Variants in MAF observed in about 807,000 individuals in gnomAD.
MAF encodes the protein transcription factor Maf.
A neutral mutation model predicts 22.0 loss-of-function variants in MAF; 10 were observed. The ratio of observed to expected loss-of-function variants is 0.45; its 90% CI spans 0.28 to 0.77. The LOEUF is 0.77. MAF is among the 30% of genes least tolerant of loss of function. The pLI, the probability that MAF is intolerant of heterozygous loss-of-function variation, is 0.12. For synonymous variants in MAF, 337 were observed against 255.8 expected (o/e 1.32, Z -3.03); for missense variants, 544 against 548.4 (o/e 0.99, Z 0.08).
At chr16:79,501,497 G>A in the MAF span, among the ~76,000 whole-genome samples, 1 of 152,138 alleles carries the variant, frequency 6.6e-6, no homozygotes, top group Non-Finnish European at 1.5e-5. Context: ...AGTTAATCTA[G>A]CAGAAGTCTT....
At chr16:79,474,038 AG>A in the MAF span, among the ~76,000 whole-genome samples, 1 of 152,156 alleles carries the variant, frequency 6.6e-6, no homozygotes, top group African/African-American at 2.4e-5. Context: ...AGAGGGCAAA[AG>A]ACAGAGGGCA....
the MAF span, among the ~76,000 whole-genome samples, chr16:79,469,049 A>C: frequency 6.6e-6 from 1 of 152,042 alleles, no homozygotes; most frequent in Admixed American, 6.6e-5. Context: ...TTCCTTAGCC[A>C]CCCCACACCC....
At chr16:79,352,678 G>A in the MAF span, among the ~76,000 whole-genome samples, 1 of 152,176 alleles carries the variant, frequency 6.6e-6, no homozygotes, top group Non-Finnish European at 1.5e-5. Flanking sequence ...CCAGTCACTG[G>A]CTTTCAACCA....
the MAF span, among the ~76,000 whole-genome samples, chr16:79,530,910 G>T: frequency 6.6e-6 from 1 of 152,202 alleles, no homozygotes; most frequent in Non-Finnish European, 1.5e-5. Context: ...TCTTGAGCCA[G>T]CCAGATCCTG....
At chr16:79,567,406 A>G in the MAF span, among the ~76,000 whole-genome samples, 7 of 152,208 alleles carry the variant, frequency 4.6e-5, no homozygotes, top group Admixed American at 4.6e-4. Flanking sequence ...ATACACATAC[A>G]CAGATACATC....
At chr16:79,226,777 A>G in the MAF span, among the ~76,000 whole-genome samples, 1 of 152,110 alleles carries the variant, frequency 6.6e-6, no homozygotes, top group Non-Finnish European at 1.5e-5. Flanking sequence ...ATGCTCTAAT[A>G]GTTTTTAAAA....
intron 1 of MAF, chr16:79,595,903 C>G: frequency 9.5e-7 from 1 of 1,057,938 alleles, no homozygotes; most frequent in Non-Finnish European, 1.1e-6. Context: ...CTATTTAAGA[C>G]AAATGATCTT....
the MAF span, among the ~76,000 whole-genome samples, chr16:79,543,701 T>C: frequency 6.7e-6 from 1 of 149,922 alleles, no homozygotes; most frequent in Non-Finnish European, 1.5e-5. Context: ...TTTTTTTTTT[T>C]TCTGAGACGG....
the MAF span, among the ~76,000 whole-genome samples, chr16:79,458,863 G>A: frequency 0.013 from 1,933 of 152,306 alleles, 34 homozygotes; most frequent in African/African-American, 0.044. Flanking sequence ...GTTTCTCCCT[G>A]AGGAGGTCTC....
the MAF span, among the ~76,000 whole-genome samples, chr16:79,282,568 C>T: frequency 1.3e-5 from 2 of 152,170 alleles, no homozygotes; most frequent in African/African-American, 4.8e-5. Flanking sequence ...GCCCCACAGT[C>T]ACCGCTTCCC....
At chr16:79,320,427 G>T in the MAF span, among the ~76,000 whole-genome samples, 8 of 152,212 alleles carry the variant, frequency 5.3e-5, no homozygotes, top group Admixed American at 3.9e-4. Flanking sequence ...ATGAGGCAGA[G>T]TGGGGATGCC....
chr16:79,513,613 T>C, the MAF span, among the ~76,000 whole-genome samples: 2 of 152,198 alleles, frequency 1.3e-5, no homozygotes, highest in Non-Finnish European at 2.9e-5. Context: ...CTTTGACCAG[T>C]TGCGGAATCT....
rs955654928 is a variant in MAF, at chr16:79,599,147, G to C, written c.756C>G (p.Ala252=). 7.1e-6 allele frequency: 11 copies of C among 1,558,296 alleles called. No homozygotes were observed. Among genetic ancestry groups the C allele is most frequent in the Admixed American group, 1.8e-5 (1 of 55,738 alleles). ...AGGALHPHHA[A]GGLHFDDRFS... is the part of the protein sequence containing the mutation. Reference sequence around the variant, plus strand: ...AGCGGTCGTCGAAGTGCAGGCCGCCGGCGGCGTGGTGCGGGTGCAGGGCGC... The same window carrying C: ...AGCGGTCGTCGAAGTGCAGGCCGCCCGCGGCGTGGTGCGGGTGCAGGGCGC... Residue 252 remains alanine, a synonymous_variant, in exon 1 of 2, where the codon GCC becomes GCG. Transcript: ENST00000326043.
the MAF span, among the ~76,000 whole-genome samples, chr16:79,243,215 G>T: frequency 6.6e-6 from 1 of 151,776 alleles, no homozygotes; most frequent in South Asian, 2.1e-4. Context: ...CAGAAGTGAA[G>T]GTGATAGAGA....
At chr16:79,571,473 A>T in the MAF span, among the ~76,000 whole-genome samples, 1 of 150,834 alleles carries the variant, frequency 6.6e-6, no homozygotes, top group Non-Finnish European at 1.5e-5. Context: ...CCACTCCATA[A>T]TTCTTTCTAG....
chr16:79,587,078 C>G (rs192315593), intron 1 of MAF, among the ~76,000 whole-genome samples: 31 of 152,318 alleles, frequency 2.0e-4, no homozygotes, highest in African/African-American at 7.2e-4. Flanking sequence ...CCACATAACC[C>G]TCTAATTCCT....
the MAF span, among the ~76,000 whole-genome samples, chr16:79,352,832 A>G: frequency 6.6e-6 from 1 of 152,002 alleles, no homozygotes; most frequent in African/African-American, 2.4e-5. Context: ...GATTACCAAA[A>G]ACGTCCCTAG....
the MAF span, among the ~76,000 whole-genome samples, chr16:79,318,637 A>G: frequency 2.0e-5 from 3 of 152,216 alleles, no homozygotes; most frequent in Non-Finnish European, 4.4e-5. Context: ...TAAATTAAAC[A>G]TTATATTTTC....
chr16:79,317,942 TCAC>T, the MAF span, among the ~76,000 whole-genome samples: 1 of 151,938 alleles, frequency 6.6e-6, no homozygotes, highest in African/African-American at 2.4e-5. Flanking sequence ...ACTCACTCAC[TCAC>T]TCACTCACTC....
Sources: allele counts gnomAD v4.1 joint callset (sites outside exome capture counted in the v4.1 genomes callset), GRCh38; gene constraint gnomAD v4.1.1; transcripts MANE v1.5; gene names NCBI Gene and HGNC (gene_info 2026-07-23, HGNC 2026-07-21).